SIL1: variants seen among roughly 807,000 people sequenced by gnomAD.
The protein encoded by SIL1 is SIL1 nucleotide exchange factor, also known as nucleotide exchange factor SIL1.
A neutral mutation model predicts 49.1 loss-of-function variants in SIL1; 40 were observed. That is an observed-to-expected ratio of 0.81 (90% CI 0.63 to 1.06). The LOEUF (loss-of-function observed/expected upper bound fraction) is 1.06, where lower values mean the gene tolerates loss of function less well. SIL1 is among the 50% of genes least tolerant of loss of function. The pLI, the probability that SIL1 is intolerant of heterozygous loss-of-function variation, is 0.00. For synonymous variants in SIL1, 253 were observed against 250.8 expected (o/e 1.01, Z -0.08); for missense variants, 500 against 572.6 (o/e 0.87, Z 1.29).
chr5:139,090,166 C>T (rs762385935), intron 3 of SIL1, among the ~76,000 whole-genome samples: 2 of 152,168 alleles, frequency 1.3e-5, no homozygotes, highest in Non-Finnish European at 2.9e-5. Flanking sequence ...CTCACTCCTC[C>T]CCTCCTGAGA....
intron 1 of SIL1, among the ~76,000 whole-genome samples, chr5:139,135,332 G>A (rs1166986602): frequency 6.6e-6 from 1 of 152,074 alleles, no homozygotes; most frequent in Non-Finnish European, 1.5e-5. Flanking sequence ...CAAACCCAAG[G>A]CACCCAAGAA....
At chr5:138,963,187 G>A (rs2150386612) in intron 7 of SIL1, among the ~76,000 whole-genome samples, 1 of 152,186 alleles carries the variant, frequency 6.6e-6, no homozygotes, top group South Asian at 2.1e-4. Context: ...GGGCAAGAGG[G>A]GATCCAAGGA....
intron 3 of SIL1, among the ~76,000 whole-genome samples, chr5:139,072,211 A>G (rs967060043): frequency 6.6e-6 from 1 of 152,186 alleles, no homozygotes; most frequent in African/African-American, 2.4e-5. Context: ...ATGCTGTTAT[A>G]ATTGGGGTCT....
At chr5:138,968,470 C>T (rs1458658035) in intron 7 of SIL1, among the ~76,000 whole-genome samples, 4 of 152,062 alleles carry the variant, frequency 2.6e-5, no homozygotes, top group South Asian at 2.1e-4. Flanking sequence ...TCTGCCTGAG[C>T]GCCCTGCCCC....
intron 7 of SIL1, among the ~76,000 whole-genome samples, chr5:139,018,185 A>T (rs1218665284): frequency 6.6e-6 from 1 of 152,192 alleles, no homozygotes; most frequent in Non-Finnish European, 1.5e-5. Flanking sequence ...TCTTGGAATA[A>T]TTGCTTCATG....
chr5:139,135,445 C>G (rs1400360854), intron 1 of SIL1, among the ~76,000 whole-genome samples: 1 of 152,194 alleles, frequency 6.6e-6, no homozygotes, highest in African/African-American at 2.4e-5. Context: ...GCTACAAAAT[C>G]CACCGTGCAG....
At chr5:138,969,280 T>C (rs578066291) in intron 7 of SIL1, among the ~76,000 whole-genome samples, 1 of 152,326 alleles carries the variant, frequency 6.6e-6, no homozygotes, top group East Asian at 1.9e-4. Flanking sequence ...CTGCCAGCCA[T>C]GGCAGGACAG....
chr5:138,980,900 G>T (rs1561814172), intron 7 of SIL1, among the ~76,000 whole-genome samples: 1 of 152,232 alleles, frequency 6.6e-6, no homozygotes, highest in African/African-American at 2.4e-5. Flanking sequence ...GCAGCCTCAT[G>T]TTCTTATGAG....
At chr5:139,003,087 C>T (rs982514122) in intron 7 of SIL1, among the ~76,000 whole-genome samples, 2 of 152,074 alleles carry the variant, frequency 1.3e-5, no homozygotes, top group East Asian at 1.9e-4. Flanking sequence ...CAAGGCCCTT[C>T]GTCACATGGA....
chr5:138,992,123 A>C (rs1000222576), intron 7 of SIL1, among the ~76,000 whole-genome samples: 1 of 152,208 alleles, frequency 6.6e-6, no homozygotes, highest in African/African-American at 2.4e-5. Flanking sequence ...CAATCACTAC[A>C]CGACTATGGG....
At position 139,076,745 on chromosome 5, in the gene SIL1, T is replaced by G. The variant is rs192649068; in HGVS notation, c.245-25699A>C. ...CAGTACAGTGGACTAAGAAACCAATTCCCCTTCTATTGGTATGGCTAATGG... is the reference window on the plus strand; with the variant it reads ...CAGTACAGTGGACTAAGAAACCAATGCCCCTTCTATTGGTATGGCTAATGG... On this transcript the variant is annotated intron_variant, in intron 3 of 9. Transcript: ENST00000394817. Among the ~76,000 whole-genome samples, 91 of 152,150 alleles carry G rather than the reference T, an allele frequency of 6.0e-4. 2 individuals carry two copies. The highest frequency in any genetic ancestry group is 3.1e-3 in the East Asian group (16 of 5,176).
At chr5:139,106,981 A>C (rs944337189) in intron 3 of SIL1, among the ~76,000 whole-genome samples, 1 of 152,258 alleles carries the variant, frequency 6.6e-6, no homozygotes, top group African/African-American at 2.4e-5. Flanking sequence ...GTAGGATAAA[A>C]CAGGCAGAAT....
intron 1 of SIL1, among the ~76,000 whole-genome samples, chr5:139,167,039 C>T (rs2151813179): frequency 6.6e-6 from 1 of 152,292 alleles, no homozygotes; most frequent in East Asian, 1.9e-4. Flanking sequence ...GTCTCGATCT[C>T]CTGACCTTGT....
chr5:138,975,223 T>A (rs1314252127), intron 7 of SIL1, among the ~76,000 whole-genome samples: 3 of 152,120 alleles, frequency 2.0e-5, no homozygotes, highest in Non-Finnish European at 4.4e-5. Context: ...AGCTGGTCAA[T>A]CCATTTCGAG....
intron 1 of SIL1, among the ~76,000 whole-genome samples, chr5:139,158,045 T>C (rs1751438758): frequency 6.6e-6 from 1 of 152,120 alleles, no homozygotes; most frequent in South Asian, 2.1e-4. Context: ...ATTTAGAGAG[T>C]TGCAAAACTG....
intron 5 of SIL1, among the ~76,000 whole-genome samples, chr5:139,038,010 G>T (rs549025171): frequency 4.6e-5 from 7 of 152,312 alleles, no homozygotes; most frequent in African/African-American, 1.7e-4. Flanking sequence ...CCTTCTAGCT[G>T]TGTCTTCACA....
intron 3 of SIL1, among the ~76,000 whole-genome samples, chr5:139,092,598 A>C (rs999664712): frequency 1.3e-5 from 2 of 152,178 alleles, no homozygotes; most frequent in Admixed American, 1.3e-4. Context: ...TGTTCAGAGA[A>C]CACCACAGGT....
intron 3 of SIL1, among the ~76,000 whole-genome samples, chr5:139,110,506 C>G (rs1436023808): frequency 8.5e-5 from 13 of 152,196 alleles, no homozygotes. Context: ...AAAACTCAAT[C>G]TTTGTTTGCC....
intron 1 of SIL1, chr5:139,137,478 C>A: frequency 5.3e-6 from 3 of 561,398 alleles, no homozygotes; most frequent in South Asian, 2.4e-5. Context: ...ATTTGTTCTG[C>A]AACAGTATAA....
Sources: gnomAD v4.1 joint callset for allele counts (sites outside exome capture counted in the v4.1 genomes callset) on GRCh38, gnomAD v4.1.1 for gene constraint, MANE v1.5 for transcripts, NCBI Gene and HGNC (gene_info 2026-07-23, HGNC 2026-07-21) for gene names.